SCN8A: variants seen among roughly 807,000 people sequenced by gnomAD.
SCN8A encodes sodium channel protein type 8 subunit alpha.
A neutral mutation model predicts 184.1 loss-of-function variants in SCN8A; 30 were observed. The observed-to-expected ratio is 0.16, with a 90% CI of 0.12 to 0.22. The LOEUF (loss-of-function observed/expected upper bound fraction) is 0.22, where lower values mean the gene tolerates loss of function less well. Among genes scored for constraint, SCN8A ranks in the 10% least tolerant of loss-of-function variants. The pLI is 1.00. For missense variants in SCN8A, 1,057 were observed against 2,498.9 expected, an observed-to-expected ratio of 0.42 and a Z score of 12.30; for synonymous variants, 852 against 907.0, an observed-to-expected ratio of 0.94 and a Z score of 1.09.
At chr12:51,674,615 G>C (rs949214738) in intron 2 of SCN8A, among the ~76,000 whole-genome samples, 1 of 152,108 alleles carries the variant, frequency 6.6e-6, no homozygotes, top group Non-Finnish European at 1.5e-5. Context: ...GAATACAGGC[G>C]TGAGCCACTG....
At chr12:51,623,276 AT>A (rs1192302265) in intron 1 of SCN8A, among the ~76,000 whole-genome samples, 4 of 152,174 alleles carry the variant, frequency 2.6e-5, no homozygotes, top group Non-Finnish European at 4.4e-5. Context: ...ATATATACAT[AT>A]TTCTAATTAT....
chr12:51,725,051 T>C (rs1942134970), intron 12 of SCN8A, among the ~76,000 whole-genome samples: 1 of 152,102 alleles, frequency 6.6e-6, no homozygotes, highest in African/African-American at 2.4e-5. Flanking sequence ...TGACCTCAAG[T>C]GAGGATGGTG....
At chr12:51,612,785 G>A (rs1017483447) in intron 1 of SCN8A, among the ~76,000 whole-genome samples, 5 of 152,124 alleles carry the variant, frequency 3.3e-5, no homozygotes, top group East Asian at 1.9e-4. Context: ...GCAATGGTAC[G>A]ATCTCAGCTC....
intron 16 of SCN8A, chr12:51,766,284 G>A (rs941150807): frequency 1.9e-6 from 1 of 534,208 alleles, no homozygotes; most frequent in Non-Finnish European, 3.3e-6. Context: ...GCAAAATTAA[G>A]TGACTTTCCC....
chr12:51,713,255 T>C, intron 11 of SCN8A: 1 of 1,143,660 alleles, frequency 8.7e-7, no homozygotes, highest in Non-Finnish European at 1.3e-6. Context: ...GCACCAGGCT[T>C]CACAGAATCC....
intron 2 of SCN8A, among the ~76,000 whole-genome samples, chr12:51,664,733 T>C (rs555471124): frequency 5.6e-4 from 85 of 152,298 alleles, no homozygotes; most frequent in African/African-American, 1.9e-3. Context: ...CTTTAACTTG[T>C]ATTTTAAGTT....
At chr12:51,646,029 C>T (rs1355004268) in intron 1 of SCN8A, among the ~76,000 whole-genome samples, 7 of 140,766 alleles carry the variant, frequency 5.0e-5, no homozygotes, top group Admixed American at 4.2e-4. Context: ...AAAAAAAGAC[C>T]TACTTCATAT....
chr12:51,723,683 C>G (rs1447605513), intron 12 of SCN8A, among the ~76,000 whole-genome samples: 1 of 152,102 alleles, frequency 6.6e-6, no homozygotes, highest in Non-Finnish European at 1.5e-5. Flanking sequence ...CGAGACAAGC[C>G]TGGCCAACAT....
intron 11 of SCN8A, among the ~76,000 whole-genome samples, chr12:51,718,861 A>G (rs983483369): frequency 6.6e-6 from 1 of 152,204 alleles, no homozygotes; most frequent in African/African-American, 2.4e-5. Context: ...TTATTAGTAA[A>G]TAATACAGCT....
intron 6 of SCN8A, among the ~76,000 whole-genome samples, chr12:51,698,220 A>G (rs1003570777): frequency 6.6e-6 from 1 of 152,094 alleles, no homozygotes; most frequent in Admixed American, 6.6e-5. Flanking sequence ...CTCAACTATA[A>G]TTTTCCCTAC....
Position 51,770,461 on chromosome 12 carries a change from T to C in SCN8A, c.3491-68T>C, listed in dbSNP as rs1055918670. The C allele has an allele frequency of 2.6e-5, 38 of 1,473,810 alleles. 1 individual carries two copies. The Admixed American group carries it at 8.0e-4, about 31-fold the overall frequency. The allele number at this position is 1,473,810 out of a possible 1,614,324, so 91.3% of individuals were successfully genotyped here. A position where few individuals can be genotyped will look rare whatever the true frequency, so the allele number is the denominator to read the frequency against. On this transcript the variant is annotated intron_variant, in intron 18 of 26. Coordinates refer to ENST00000627620, the MANE Select transcript of SCN8A (RefSeq NM_001330260.2). Reference sequence around the variant, plus strand: ...GCAGCACCTGGCAGGGCCTGGGAGATGGAGGAGAGGGCAGGTCTGGGCGGG... The same window carrying C: ...GCAGCACCTGGCAGGGCCTGGGAGACGGAGGAGAGGGCAGGTCTGGGCGGG...
intron 23 of SCN8A, 89 bp from the exon 24 acceptor site, chr12:51,789,192 C>G: frequency 7.0e-7 from 1 of 1,425,016 alleles, no homozygotes; most frequent in African/African-American, 1.4e-5. Context: ...TTTAGCAGCT[C>G]AAATGGTCAC....
At chr12:51,643,595 A>G (rs1459322192) in intron 1 of SCN8A, among the ~76,000 whole-genome samples, 1 of 152,178 alleles carries the variant, frequency 6.6e-6, no homozygotes, top group Non-Finnish European at 1.5e-5. Context: ...AAGAGAGCCA[A>G]TTGTTATTTT....
intron 20 of SCN8A, among the ~76,000 whole-genome samples, chr12:51,777,914 G>A (rs1432701667): frequency 6.6e-6 from 1 of 152,244 alleles, no homozygotes; most frequent in African/African-American, 2.4e-5. Flanking sequence ...CTTCCCTTCA[G>A]ATATACTTAT....
chr12:51,665,019 A>G (rs1038251129), intron 2 of SCN8A, among the ~76,000 whole-genome samples: 55 of 152,178 alleles, frequency 3.6e-4, no homozygotes, highest in African/African-American at 1.1e-3. Flanking sequence ...TGCTGAGGAT[A>G]ATGGCTTCCA....
At position 51,755,775 on chromosome 12, in the gene SCN8A, A is replaced by G. The variant is rs144638906; in HGVS notation, c.2370+4182A>G. 5.4e-3 allele frequency among the ~76,000 whole-genome samples: 816 copies of G among 152,250 alleles called. 6 individuals carry two copies. Among genetic ancestry groups the G allele is most frequent in the African/African-American group, 0.018 (760 of 41,534 alleles). On this transcript the variant is annotated intron_variant, in intron 14 of 26. Transcript: ENST00000627620. ...CCATGAGTTGATCCTGTCACTTCCA[A>G]TTCTAATCCAACACTTCAAGATTCT...
At chr12:51,770,425 T>A in intron 18 of SCN8A, 104 bp from the exon 19 acceptor site, 2 of 1,260,428 alleles carry the variant, frequency 1.6e-6, no homozygotes, top group African/African-American at 3.0e-5. Flanking sequence ...TCCTCCTGGC[T>A]GTGTGGTGGG....
chr12:51,772,636 ACCCTGAGTAGGACTGTGGAAC>A (rs1436717495), intron 19 of SCN8A, among the ~76,000 whole-genome samples: 1 of 151,714 alleles, frequency 6.6e-6, no homozygotes, highest in African/African-American at 2.4e-5. Flanking sequence ...TTGCACCGAG[ACCCTGAGTAGGACTGTGGAAC>A]CCATGACCCC....
chr12:51,679,206 C>T (rs559148362), intron 2 of SCN8A, among the ~76,000 whole-genome samples: 1 of 152,192 alleles, frequency 6.6e-6, no homozygotes, highest in South Asian at 2.1e-4. Context: ...AGTTCGAGAC[C>T]AGCCTGGACA....
Sources: gnomAD v4.1 joint callset for allele counts (sites outside exome capture counted in the v4.1 genomes callset) on GRCh38, gnomAD v4.1.1 for gene constraint, MANE v1.5 for transcripts, NCBI Gene and HGNC (gene_info 2026-07-23, HGNC 2026-07-21) for gene names.